AADAC: variants seen among roughly 807,000 people sequenced by gnomAD.
The protein encoded by AADAC is arylacetamide deacetylase (esterase).
In AADAC, 17 loss-of-function variants were observed where a neutral mutation model predicts 22.7. The ratio of observed to expected loss-of-function variants is 0.75; its 90% CI spans 0.51 to 1.12. The LOEUF (loss-of-function observed/expected upper bound fraction) is 1.12. AADAC is among the 50% of genes most tolerant of loss of function. AADAC has a pLI of 0.00. For missense variants in AADAC, 465 were observed against 473.9 expected (o/e 0.98, Z 0.17); for synonymous variants, 167 against 176.3 (o/e 0.95, Z 0.42).
chr3:151,817,693 T>G (rs1449040223), intron 2 of AADAC, 105 bp downstream of exon 2: 1 of 964,816 alleles, frequency 1.0e-6, no homozygotes, highest in Non-Finnish European at 1.6e-6. Flanking sequence ...TTACTGCCTC[T>G]TTTATCTTCT....
At chr3:151,820,254 C>A in intron 2 of AADAC, 129 bp from the exon 3 acceptor site, 1 of 519,150 alleles carries the variant, frequency 1.9e-6, no homozygotes, top group Non-Finnish European at 3.3e-6. Context: ...TTAAATTTGT[C>A]TCTCGTATTT....
Position 151,824,673 on chromosome 3 carries a change from G to A in AADAC, c.442G>A (p.Ala148Thr). 4 of 1,572,746 alleles carry A rather than the reference G, an allele frequency of 2.5e-6. No homozygotes were observed. The highest frequency in any genetic ancestry group is 3.4e-6 in the Non-Finnish European group (4 of 1,161,922). Residue 148 changes from alanine (A) to threonine (T), a missense_variant, in exon 4 of 5, where the codon GCA becomes ACA. By Grantham distance (58) the Ala-to-Thr change is moderately conservative. Coordinates refer to ENST00000232892, the MANE Select transcript of AADAC (RefSeq NM_001086.3). ...GTTTTCTCTCTACAGCTACAGATTA[G>A]CACCTAAGTATCATTTCCCAATTCA... ...AVVVSTNYRL[A>T]PKYHFPIQFE...
chr3:151,815,860 C>T (rs1411330783), intron 1 of AADAC, among the ~76,000 whole-genome samples: 2 of 151,818 alleles, frequency 1.3e-5, no homozygotes, highest in Non-Finnish European at 2.9e-5. Context: ...ATTAGTTTTG[C>T]TGGCTTCTCT....
chr3:151,827,960 C>T lies in AADAC; in HGVS notation c.988C>T (p.Arg330Cys), dbSNP rs772674234. ...APLLADDNKL[R>C]GLPLTYVITC... ...TTTGTTGGCTGATGACAACAAATTA[C>T]GTGGCTTACCCCTGACCTATGTCAT... Residue 330 changes from arginine to cysteine, a missense_variant, in exon 5 of 5, where the codon CGT (arginine) becomes TGT (cysteine). Arg to Cys is a radical substitution (Grantham distance 180, BLOSUM62 -3). Transcript: ENST00000232892. 3.4e-5 allele frequency: 55 copies of T among 1,610,862 alleles called. No homozygotes were observed. Among genetic ancestry groups the T allele is most frequent in the Admixed American group, 1.5e-4 (9 of 59,648 alleles).
intron 1 of AADAC, among the ~76,000 whole-genome samples, chr3:151,815,364 A>G (rs1715938815): frequency 6.6e-6 from 1 of 152,072 alleles, no homozygotes; most frequent in Non-Finnish European, 1.5e-5. Flanking sequence ...GAATATTGAC[A>G]AGTCCAAGAA....
chr3:151,818,238 C>T (rs1213035508), intron 2 of AADAC, among the ~76,000 whole-genome samples: 2 of 60,218 alleles, frequency 3.3e-5, no homozygotes, highest in Non-Finnish European at 7.4e-5. Context: ...AAGACTCTGC[C>T]TCAAAAAAAA....
At chr3:151,821,413 G>A (rs962611623) in intron 3 of AADAC, among the ~76,000 whole-genome samples, 4 of 151,798 alleles carry the variant, frequency 2.6e-5, no homozygotes, top group East Asian at 1.9e-4. Flanking sequence ...AATTAGGGGC[G>A]GATTGCTGGG....
At chr3:151,819,957 T>G (rs1716166110) in intron 2 of AADAC, among the ~76,000 whole-genome samples, 1 of 152,070 alleles carries the variant, frequency 6.6e-6, no homozygotes, top group South Asian at 2.1e-4. Context: ...CCTTCTATAT[T>G]GCAACAATTC....
chr3:151,817,613 C>T lies in AADAC; in HGVS notation c.361+25C>T. 1.2e-6 allele frequency: 2 copies of T among 1,601,152 alleles called. 1 individual carries two copies. Among genetic ancestry groups the T allele is most frequent in the Non-Finnish European group, 1.7e-6 (2 of 1,169,276 alleles). ...GGTAAGTGAATGCTTTGAAAAATCT[C>T]TGTCACTGAGGTAGTTCGCAGACAT... On this transcript the variant is annotated intron_variant, in intron 2 of 4. Coordinates refer to ENST00000232892, the MANE Select transcript of AADAC (RefSeq NM_001086.3).
chr3:151,828,077 G>C lies in AADAC; in HGVS notation c.1105G>C (p.Glu369Gln). Reference sequence around the variant, plus strand: ...GGTTCAGGTGACTCATAACCATGTTGAGGATGGATTCCATGGAGCATTTTC... The same window carrying C: ...GGTTCAGGTGACTCATAACCATGTTCAGGATGGATTCCATGGAGCATTTTC... ...TGVQVTHNHV[E>Q]DGFHGAFSFL... Residue 369 changes from glutamate to glutamine, a missense_variant, in exon 5 of 5, where the codon GAG (glutamate) becomes CAG (glutamine). By Grantham distance (29) the Glu-to-Gln change is conservative. Coordinates refer to ENST00000232892, the MANE Select transcript of AADAC (RefSeq NM_001086.3). 1 of 1,612,852 alleles carries C rather than the reference G, an allele frequency of 6.2e-7. No homozygotes were observed. Among genetic ancestry groups the C allele is most frequent in the Non-Finnish European group, 8.5e-7 (1 of 1,179,202 alleles).
chr3:151,822,209 C>T lies in AADAC; in HGVS notation c.431+1757C>T, dbSNP rs1460335741. Among the ~76,000 whole-genome samples the T allele has an allele frequency of 1.3e-5, 2 of 151,850 alleles. 1 individual carries two copies. Among genetic ancestry groups the T allele is most frequent in the Non-Finnish European group, 2.9e-5 (2 of 67,892 alleles). ...AGCGTTAGTGGGGACATGGAAAAAT[C>T]AGAATCCTCTATACTGCTGGTGGGA... On this transcript the variant is annotated intron_variant, in intron 3 of 4. Transcript: ENST00000232892.
intron 1 of AADAC, among the ~76,000 whole-genome samples, chr3:151,814,529 G>C (rs180764691): frequency 3.0e-4 from 45 of 152,080 alleles, no homozygotes; most frequent in African/African-American, 1.1e-3. Context: ...CATTTGAATA[G>C]GTTTTGCTAA....
chr3:151,825,226 A>C (rs1178931382), intron 4 of AADAC, among the ~76,000 whole-genome samples: 5 of 151,648 alleles, frequency 3.3e-5, no homozygotes, highest in African/African-American at 9.7e-5. Flanking sequence ...AAAAAAGAAA[A>C]AAGAAAAATT....
chr3:151,817,376 T>C lies in AADAC; in HGVS notation c.149T>C (p.Val50Ala), dbSNP rs766367758. The change falls in exon 2 of 5, where the codon GTG becomes GCG. Residue 50 changes from valine to alanine, a missense_variant. Coordinates refer to ENST00000232892, the MANE Select transcript of AADAC (RefSeq NM_001086.3). ...GAATTTCATTTTTAGGCTACATTTGTGGAGCTCCTGGGACTTCACCATTTT... is the reference window on the plus strand; with the variant it reads ...GAATTTCATTTTTAGGCTACATTTGCGGAGCTCCTGGGACTTCACCATTTT... ...LKTIQNLATF[V>A]ELLGLHHFMD... 1 of 1,612,658 alleles carries C rather than the reference T, an allele frequency of 6.2e-7. No homozygotes were observed. The highest frequency in any genetic ancestry group is 1.7e-5 in the Admixed American group (1 of 59,966).
At chr3:151,824,867 A>T (rs757088544) in intron 4 of AADAC, 33 bp downstream of exon 4, 10 of 1,469,738 alleles carry the variant, frequency 6.8e-6, no homozygotes, top group Non-Finnish European at 9.0e-6. Flanking sequence ...TTTTAAAAAT[A>T]GCGTTTCTAC....
In AADAC at chr3:151,827,580, T is replaced by G; in HGVS notation, c.608T>G (p.Leu203Arg). ...GCAAATCATCTTGCTTCTCAGCTCC[T>G]TGATGACCCAGATGTCAAGATCAAA... ...NLAAAVTQQL[L>R]DDPDVKIKLK... The change falls in exon 5 of 5, where the codon CTT (leucine) becomes CGT (arginine). Residue 203 changes from leucine to arginine, a missense_variant. Coordinates refer to ENST00000232892, the MANE Select transcript of AADAC (RefSeq NM_001086.3). The G allele has an allele frequency of 6.5e-7, 1 of 1,545,442 alleles. No homozygotes were observed. Among genetic ancestry groups the G allele is most frequent in the Non-Finnish European group, 8.7e-7 (1 of 1,145,496 alleles).
rs890552872 is a variant in AADAC, at chr3:151,820,430, G to C, written c.409G>C (p.Asp137His). 6.3e-7 allele frequency: 1 copy of C among 1,585,480 alleles called. No homozygotes were observed. Among genetic ancestry groups the C allele is most frequent in the Non-Finnish European group, 8.6e-7 (1 of 1,163,760 alleles). Residue 137 changes from aspartate to histidine, a missense_variant, in exon 3 of 5, where the codon GAT becomes CAT. Asp to His is a moderately conservative substitution (Grantham distance 81). Transcript: ENST00000232892. ...GTCAAGATGGACAGCAGACAGACTT[G>C]ATGCTGTCGTCGTATCAACCAAGTA... is the stretch of plus-strand genomic sequence containing the variant. ...LLSRWTADRL[D>H]AVVVSTNYRL...
At chr3:151,816,255 A>G (rs1715985232) in intron 1 of AADAC, among the ~76,000 whole-genome samples, 1 of 151,792 alleles carries the variant, frequency 6.6e-6, no homozygotes, top group African/African-American at 2.4e-5. Context: ...GCCACACCTC[A>G]CTGCACCTCC....
At chr3:151,822,317 G>A (rs1459887319) in intron 3 of AADAC, among the ~76,000 whole-genome samples, 1 of 151,888 alleles carries the variant, frequency 6.6e-6, no homozygotes, top group Non-Finnish European at 1.5e-5. Flanking sequence ...GTATACACAA[G>A]AGAAATGAAA....
Sources: gnomAD v4.1 joint callset for allele counts (sites outside exome capture counted in the v4.1 genomes callset) on GRCh38, gnomAD v4.1.1 for gene constraint, MANE v1.5 for transcripts, NCBI Gene and HGNC (gene_info 2026-07-23, HGNC 2026-07-21) for gene names.